TEC: variants seen among roughly 807,000 people sequenced by gnomAD.
TEC encodes tec protein tyrosine kinase.
In TEC, 72 loss-of-function variants were observed where a neutral mutation model predicts 93.0. The ratio of observed to expected loss-of-function variants is 0.77; its 90% CI spans 0.64 to 0.94. The LOEUF (loss-of-function observed/expected upper bound fraction) is 0.94, where lower values mean the gene tolerates loss of function less well. Among genes scored for constraint, TEC ranks in the 40% least tolerant of loss-of-function variants. The probability of loss-of-function intolerance (pLI) is 0.00; values close to 1 mark genes in which losing one functional copy is unlikely to be tolerated. For missense variants in TEC, 630 were observed against 757.9 expected (o/e 0.83, Z 1.98); for synonymous variants, 249 against 247.7 (o/e 1.01, Z -0.05).
chr4:48,188,888 T>C (rs28491198), intron 2 of TEC, among the ~76,000 whole-genome samples: 82,861 of 151,992 alleles, frequency 0.55, 22,936 homozygotes, highest in Admixed American at 0.64. Context: ...TGTGTGTGTG[T>C]GCGCGCCCAT....
At chr4:48,231,315 G>A (rs912241702) in intron 1 of TEC, among the ~76,000 whole-genome samples, 9 of 152,144 alleles carry the variant, frequency 5.9e-5, no homozygotes, top group African/African-American at 1.9e-4. Context: ...TGCCCTTTTT[G>A]CATCTAAGTT....
At chr4:48,140,803 G>A (rs1482493568) in intron 15 of TEC, among the ~76,000 whole-genome samples, 1 of 151,804 alleles carries the variant, frequency 6.6e-6, no homozygotes, top group Non-Finnish European at 1.5e-5. Context: ...TACCAGTATC[G>A]ACCATGCTCG....
intron 2 of TEC, among the ~76,000 whole-genome samples, chr4:48,187,421 G>T (rs188208682): frequency 8.0e-5 from 10 of 125,498 alleles, no homozygotes; most frequent in African/African-American, 3.2e-4. Flanking sequence ...ACCCAAGAAT[G>T]ATCAATAAAT....
intron 2 of TEC, among the ~76,000 whole-genome samples, chr4:48,214,345 G>A (rs1319123433): frequency 1.3e-5 from 2 of 152,220 alleles, no homozygotes; most frequent in Non-Finnish European, 1.5e-5. Context: ...GATGAGACTT[G>A]AGTAAATAGA....
intron 1 of TEC, among the ~76,000 whole-genome samples, chr4:48,244,932 C>T (rs1724013977): frequency 6.6e-6 from 1 of 152,140 alleles, no homozygotes; most frequent in African/African-American, 2.4e-5. Context: ...AATTAAAGCC[C>T]AAACAGGCAG....
intron 2 of TEC, among the ~76,000 whole-genome samples, chr4:48,181,994 G>A (rs1721609491): frequency 6.6e-6 from 1 of 152,036 alleles, no homozygotes; most frequent in Admixed American, 6.6e-5. Context: ...TGTTAATATT[G>A]TGGCCCATCT....
intron 11 of TEC, 30 bp downstream of exon 11, chr4:48,149,527 A>G: frequency 6.4e-7 from 1 of 1,564,118 alleles, no homozygotes; most frequent in Non-Finnish European, 8.6e-7. Flanking sequence ...ACTACCTTAT[A>G]TTTGAAGTAG....
intron 1 of TEC, among the ~76,000 whole-genome samples, chr4:48,268,285 T>G (rs1239528935): frequency 1.3e-5 from 2 of 152,214 alleles, no homozygotes; most frequent in African/African-American, 4.8e-5. Flanking sequence ...TATTGCCAAC[T>G]AGAGTAAAGC....
chr4:48,162,952 G>C (rs536274179), intron 8 of TEC, among the ~76,000 whole-genome samples: 137 of 152,118 alleles, frequency 9.0e-4, no homozygotes, highest in African/African-American at 3.2e-3. Flanking sequence ...CAATGTTCAC[G>C]TACAGCCTGT....
intron 2 of TEC, among the ~76,000 whole-genome samples, chr4:48,202,386 C>CA (rs1160820888): frequency 6.6e-6 from 1 of 151,724 alleles, no homozygotes; most frequent in African/African-American, 2.4e-5. Context: ...GCCAACAAGC[C>CA]AAAACCCTGT....
At chr4:48,198,576 T>C (rs1338030771) in intron 2 of TEC, among the ~76,000 whole-genome samples, 1 of 152,228 alleles carries the variant, frequency 6.6e-6, no homozygotes, top group African/African-American at 2.4e-5. Flanking sequence ...CAACATAATA[T>C]ATAAGCTTTC....
chr4:48,225,369 G>T (rs1325554628), intron 2 of TEC, among the ~76,000 whole-genome samples: 1 of 152,036 alleles, frequency 6.6e-6, no homozygotes, highest in Non-Finnish European at 1.5e-5. Context: ...TAGAGACGGG[G>T]TTTCACCATG....
chr4:48,137,568 A>T (rs2109497710), intron 17 of TEC, 69 bp from the exon 18 acceptor site: 2 of 1,241,702 alleles, frequency 1.6e-6, no homozygotes, highest in Admixed American at 1.7e-5. Context: ...CACTGCTCCA[A>T]CTCCTAAACA....
At chr4:48,141,457 A>G (rs755267623) in intron 14 of TEC, 38 bp from the exon 15 acceptor site, 1 of 1,585,532 alleles carries the variant, frequency 6.3e-7, no homozygotes, top group South Asian at 1.1e-5. Flanking sequence ...TAGTTTAAAA[A>G]TTCTATCATT....
At chr4:48,149,409 A>T (rs1720062986) in intron 11 of TEC, 148 bp downstream of exon 11, 1 of 779,998 alleles carries the variant, frequency 1.3e-6, no homozygotes, top group South Asian at 2.5e-5. Flanking sequence ...CTTTGTATAT[A>T]TCATTCCTTT....
In TEC at chr4:48,269,191, A is replaced by T. The variant is rs191621216; in HGVS notation, c.-46+561T>A. Among the ~76,000 whole-genome samples, 171 of 150,828 alleles carry T rather than the reference A, an allele frequency of 1.1e-3. 2 individuals are homozygous for T. The highest frequency in any genetic ancestry group is 6.4e-3 in the Admixed American group (97 of 15,148). ...GGAACATCTTGGCCGATACTGCCAAATTTTTTTTTTAATACTTTAAGTTCT... is the reference window on the plus strand; with the variant it reads ...GGAACATCTTGGCCGATACTGCCAATTTTTTTTTTTAATACTTTAAGTTCT... On this transcript the variant is annotated intron_variant, in intron 1 of 17. Coordinates refer to ENST00000381501, the MANE Select transcript of TEC (RefSeq NM_003215.3).
Position 48,163,752 on chromosome 4 carries a change from G to T in TEC, c.687C>A (p.Ile229=). 1 of 1,493,988 alleles carries T rather than the reference G, an allele frequency of 6.7e-7. No individual in the cohort carries two copies. The highest frequency in any genetic ancestry group is 9.1e-7 in the Non-Finnish European group (1 of 1,097,606). The allele number at this position is 1,493,988 out of a possible 1,614,324, so 92.5% of individuals were successfully genotyped here. A position where few individuals can be genotyped will look rare whatever the true frequency, so the allele number is the denominator to read the frequency against. The change falls in exon 8 of 18, where the codon ATC becomes ATA. Residue 229 remains isoleucine (I), a synonymous_variant. Coordinates refer to ENST00000381501, the MANE Select transcript of TEC (RefSeq NM_003215.3). ...TCTTTCCCGTTACGTAATTACTTGGGATATATCCTTCATTCCTAGAAATAA... is the reference window on the plus strand; with the variant it reads ...TCTTTCCCGTTACGTAATTACTTGGTATATATCCTTCATTCCTAGAAATAA... The part of the protein sequence containing the change: ...ARDKYGNEGY[I]PSNYVTGKKS...
chr4:48,215,067 C>T (rs1398185017), intron 2 of TEC, among the ~76,000 whole-genome samples: 2 of 151,786 alleles, frequency 1.3e-5, no homozygotes, highest in Admixed American at 6.6e-5. Flanking sequence ...GCAGGAGAAT[C>T]GCTTGAACCC....
chr4:48,228,342 T>C, intron 2 of TEC, 135 bp downstream of exon 2: 6 of 979,942 alleles, frequency 6.1e-6, no homozygotes, highest in Middle Eastern at 3.5e-4. Flanking sequence ...CTGAAATTCA[T>C]CTTTCAAGTC....
Sources: allele counts gnomAD v4.1 joint callset (sites outside exome capture counted in the v4.1 genomes callset), GRCh38; gene constraint gnomAD v4.1.1; transcripts MANE v1.5; gene names NCBI Gene and HGNC (gene_info 2026-07-23, HGNC 2026-07-21).